AFG1L: variants seen among roughly 807,000 people sequenced by gnomAD.
AFG1L encodes AFG1 like ATPase, also known as AFG1-like ATPase.
Under a neutral mutation model 62.2 loss-of-function variants are expected in AFG1L, and 53 were observed. The ratio of observed to expected loss-of-function variants is 0.85; its 90% CI spans 0.68 to 1.07. The LOEUF (loss-of-function observed/expected upper bound fraction) is 1.07, where lower values mean the gene tolerates loss of function less well. Among genes scored for constraint, AFG1L ranks in the 50% least tolerant of loss-of-function variants. AFG1L has a pLI of 0.00. For missense variants in AFG1L, 555 were observed against 590.5 expected, an observed-to-expected ratio of 0.94 and a Z score of 0.62; for synonymous variants, 228 against 210.3, an observed-to-expected ratio of 1.08 and a Z score of -0.73.
chr6:108,506,335 G>C (rs1774420198), intron 10 of AFG1L, among the ~76,000 whole-genome samples: 1 of 152,120 alleles, frequency 6.6e-6, no homozygotes, highest in African/African-American at 2.4e-5. Flanking sequence ...AGCCTCCTGA[G>C]TAGCTGCAAC....
chr6:108,457,611 A>G (rs1222928050), intron 8 of AFG1L, among the ~76,000 whole-genome samples: 1 of 152,038 alleles, frequency 6.6e-6, no homozygotes, highest in Non-Finnish European at 1.5e-5. Flanking sequence ...TTGCTTAAAC[A>G]GTCAATAATC....
intron 10 of AFG1L, among the ~76,000 whole-genome samples, chr6:108,485,627 TA>T (rs1394427795): frequency 9.7e-5 from 1 of 10,342 alleles, no homozygotes; most frequent in African/African-American, 3.8e-4. Context: ...CGAATTTAAA[TA>T]TATATATATA....
chr6:108,372,886 C>T (rs1780072350), intron 6 of AFG1L: 1 of 153,058 alleles, frequency 6.5e-6, no homozygotes, highest in African/African-American at 2.4e-5. Context: ...CTTTCACCTC[C>T]TCCAGGTCCA....
rs114132326 is a variant in AFG1L, at chr6:108,352,346, A to T, written c.416-3308A>T. 4.9e-3 allele frequency among the ~76,000 whole-genome samples: 752 copies of T among 152,320 alleles called. 3 individuals are homozygous for T. Among genetic ancestry groups the T allele is most frequent in the African/African-American group, 0.017 (727 of 41,554 alleles). Reference sequence around the variant, plus strand: ...GAGTTGGATTCCTTTTTAAGGCTGAATAATATACTTGGTATTCATGGGGGA... The same window carrying T: ...GAGTTGGATTCCTTTTTAAGGCTGATTAATATACTTGGTATTCATGGGGGA... On this transcript the variant is annotated intron_variant, in intron 3 of 12. Coordinates refer to ENST00000368977, the MANE Select transcript of AFG1L (RefSeq NM_145315.5).
At chr6:108,471,549 C>G (rs566563941) in intron 8 of AFG1L, among the ~76,000 whole-genome samples, 2 of 150,044 alleles carry the variant, frequency 1.3e-5, no homozygotes, top group Admixed American at 6.7e-5. Flanking sequence ...CAACCTCCCC[C>G]TCCCAGGTTC....
chr6:108,397,814 A>C (rs1781388177), intron 6 of AFG1L, among the ~76,000 whole-genome samples: 2 of 152,162 alleles, frequency 1.3e-5, no homozygotes, highest in African/African-American at 4.8e-5. Flanking sequence ...ATAGTACTCC[A>C]CTTTGTATAA....
intron 2 of AFG1L, among the ~76,000 whole-genome samples, chr6:108,339,872 C>T (rs1006148520): frequency 3.9e-5 from 6 of 151,944 alleles, no homozygotes; most frequent in African/African-American, 9.7e-5. Flanking sequence ...ATGGGATATC[C>T]GGCCTCTCAA....
chr6:108,395,414 T>C (rs1781250636), intron 6 of AFG1L, among the ~76,000 whole-genome samples: 1 of 148,312 alleles, frequency 6.7e-6, no homozygotes, highest in Non-Finnish European at 1.5e-5. Context: ...TTTTTTTTTT[T>C]TTTTTTGAGA....
intron 7 of AFG1L, among the ~76,000 whole-genome samples, chr6:108,406,474 G>A (rs768113818): frequency 2.6e-5 from 4 of 152,090 alleles, no homozygotes; most frequent in Non-Finnish European, 5.9e-5. Flanking sequence ...GTCTTGCTCT[G>A]TCACACAGGC....
chr6:108,389,821 C>T (rs928259330), intron 6 of AFG1L, among the ~76,000 whole-genome samples: 1 of 152,138 alleles, frequency 6.6e-6, no homozygotes, highest in Non-Finnish European at 1.5e-5. Flanking sequence ...TTTTTTCCTT[C>T]ATTTCAACTT....
chr6:108,356,892 G>A, intron 5 of AFG1L, 72 bp downstream of exon 5: 1 of 1,269,186 alleles, frequency 7.9e-7, no homozygotes, highest in East Asian at 2.4e-5. Context: ...TTTTGCTCCT[G>A]ATTTTATCAT....
chr6:108,428,594 A>G (rs1255017831), intron 7 of AFG1L, among the ~76,000 whole-genome samples: 1 of 152,190 alleles, frequency 6.6e-6, no homozygotes, highest in Non-Finnish European at 1.5e-5. Flanking sequence ...CCTTTTTACC[A>G]CATTTACACT....
intron 7 of AFG1L, among the ~76,000 whole-genome samples, chr6:108,431,179 C>T (rs575607222): frequency 1.1e-4 from 16 of 152,136 alleles, no homozygotes; most frequent in African/African-American, 3.9e-4. Context: ...TCTTGGCTCA[C>T]TGCAACCTCC....
At chr6:108,300,190 C>G (rs966283666) in intron 1 of AFG1L, among the ~76,000 whole-genome samples, 26 of 151,792 alleles carry the variant, frequency 1.7e-4, no homozygotes, top group African/African-American at 6.0e-4. Context: ...CTCTTGTCGC[C>G]CAGGCTGGAA....
intron 7 of AFG1L, among the ~76,000 whole-genome samples, chr6:108,417,905 C>T (rs975261703): frequency 6.6e-6 from 1 of 152,106 alleles, no homozygotes; most frequent in Non-Finnish European, 1.5e-5. Context: ...GCAATCTCGG[C>T]TCACTGCAAG....
intron 7 of AFG1L, among the ~76,000 whole-genome samples, chr6:108,432,185 T>C (rs1212409698): frequency 6.6e-6 from 1 of 152,046 alleles, no homozygotes; most frequent in Non-Finnish European, 1.5e-5. Flanking sequence ...GTCACCTTAT[T>C]TACAATATGG....
rs1445213310 is a variant in AFG1L, at chr6:108,366,254, A to G, written c.670A>G (p.Met224Val). ...EFQVTDIADA[M>V]ILKQLFENLF... is the part of the protein sequence containing the mutation. ...ATAGGTCACTGACATTGCTGATGCC[A>G]TGATTCTGAAACAGCTTTTTGAAAA... The change falls in exon 6 of 13, where the codon ATG becomes GTG. Residue 224 changes from methionine (M) to valine (V), a missense_variant. Met to Val is a conservative substitution (Grantham distance 21). Transcript: ENST00000368977. 6.8e-6 allele frequency: 11 copies of G among 1,609,280 alleles called. No homozygotes were observed. Among genetic ancestry groups the G allele is most frequent in the Non-Finnish European group, 8.5e-6 (10 of 1,176,454 alleles).
chr6:108,502,668 T>C (rs1774254818), intron 10 of AFG1L, among the ~76,000 whole-genome samples: 1 of 152,232 alleles, frequency 6.6e-6, no homozygotes, highest in Admixed American at 6.5e-5. Context: ...GACTGTTGAC[T>C]GATCACGGTG....
At chr6:108,459,271 T>A (rs1300384607) in intron 8 of AFG1L, among the ~76,000 whole-genome samples, 1 of 152,234 alleles carries the variant, frequency 6.6e-6, no homozygotes. Flanking sequence ...ATTCTAGCTG[T>A]GCTAGCCTCC....
Sources: allele counts gnomAD v4.1 joint callset (sites outside exome capture counted in the v4.1 genomes callset), GRCh38; gene constraint gnomAD v4.1.1; transcripts MANE v1.5; gene names NCBI Gene and HGNC (gene_info 2026-07-23, HGNC 2026-07-21).